Variants in MARCHF1 observed in about 807,000 individuals in gnomAD.
The protein encoded by MARCHF1 is membrane associated ring-CH-type finger 1, also known as E3 ubiquitin-protein ligase MARCHF1.
MARCHF1 carries 40 observed loss-of-function variants against 54.2 expected under a neutral mutation model. That is an observed-to-expected ratio of 0.74 (90% CI 0.57 to 0.96). The LOEUF (loss-of-function observed/expected upper bound fraction) is 0.96, where lower values mean the gene tolerates loss of function less well. MARCHF1 is among the 40% of genes least tolerant of loss of function. The pLI is 0.00. For missense variants in MARCHF1, 586 were observed against 656.5 expected (o/e 0.89, Z 1.17); for synonymous variants, 236 against 236.3 (o/e 1.00, Z 0.01).
At chr4:163,870,452 T>C (rs1750144946) in intron 3 of MARCHF1, among the ~76,000 whole-genome samples, 1 of 152,076 alleles carries the variant, frequency 6.6e-6, no homozygotes, top group Non-Finnish European at 1.5e-5. Context: ...TGGCATATTA[T>C]GAATTATGTT....
intron 3 of MARCHF1, among the ~76,000 whole-genome samples, chr4:163,939,286 C>T (rs1751861744): frequency 6.6e-6 from 1 of 152,130 alleles, no homozygotes; most frequent in Admixed American, 6.6e-5. Context: ...CATGTAGAGA[C>T]CTCATCTGTT....
chr4:164,166,910 T>A (rs1256796587), intron 1 of MARCHF1, among the ~76,000 whole-genome samples: 3 of 150,916 alleles, frequency 2.0e-5, no homozygotes, highest in African/African-American at 7.3e-5. Flanking sequence ...AAAAAAACAA[T>A]GAATAAATTT....
intron 4 of MARCHF1, among the ~76,000 whole-genome samples, chr4:163,769,455 A>G (rs1747088321): frequency 6.6e-6 from 1 of 152,210 alleles, no homozygotes; most frequent in African/African-American, 2.4e-5. Context: ...TTAACAAGAA[A>G]TCTATAAGGT....
At chr4:164,089,582 A>G (rs1468454816) in intron 2 of MARCHF1, among the ~76,000 whole-genome samples, 1 of 152,158 alleles carries the variant, frequency 6.6e-6, no homozygotes, top group Non-Finnish European at 1.5e-5. Flanking sequence ...CTCTTTGTTT[A>G]AAATAAACAA....
chr4:163,777,813 CA>C (rs1234671984), intron 4 of MARCHF1, among the ~76,000 whole-genome samples: 4 of 152,070 alleles, frequency 2.6e-5, no homozygotes, highest in Admixed American at 6.5e-5. Context: ...TTGGAACATA[CA>C]ATTTGATGAG....
intron 2 of MARCHF1, among the ~76,000 whole-genome samples, chr4:164,044,873 A>C (rs1488884697): frequency 6.6e-6 from 1 of 152,080 alleles, no homozygotes; most frequent in Admixed American, 6.5e-5. Flanking sequence ...CAGTTCTAAA[A>C]TAACTACCAT....
At chr4:163,817,256 T>C (rs1419832535) in intron 4 of MARCHF1, among the ~76,000 whole-genome samples, 1 of 152,122 alleles carries the variant, frequency 6.6e-6, no homozygotes, top group African/African-American at 2.4e-5. Context: ...TTTGCTGTCC[T>C]AGCCACACAG....
chr4:164,257,128 G>A (rs1352397737), intron 1 of MARCHF1, among the ~76,000 whole-genome samples: 3 of 151,904 alleles, frequency 2.0e-5, no homozygotes, highest in Non-Finnish European at 2.9e-5. Flanking sequence ...ATACAAAATT[G>A]GAAACATTAA....
At chr4:163,682,095 A>C (rs1451746572) in intron 5 of MARCHF1, among the ~76,000 whole-genome samples, 1 of 152,186 alleles carries the variant, frequency 6.6e-6, no homozygotes, top group Non-Finnish European at 1.5e-5. Context: ...GGAGATGAGG[A>C]ACTTGTTGGG....
intron 5 of MARCHF1, among the ~76,000 whole-genome samples, chr4:163,670,679 CCACT>C (rs1264106410): frequency 2.0e-5 from 3 of 151,820 alleles, no homozygotes; most frequent in Non-Finnish European, 4.4e-5. Context: ...TTCTTGCCAC[CCACT>C]GAGGATATGG....
chr4:164,323,584 A>G (rs191336978), intron 1 of MARCHF1, among the ~76,000 whole-genome samples: 4 of 121,124 alleles, frequency 3.3e-5, no homozygotes, highest in Admixed American at 2.1e-4. Flanking sequence ...CTGATTAAGG[A>G]GAGGATGAGT....
chr4:163,701,974 T>G (rs910037145), intron 4 of MARCHF1, among the ~76,000 whole-genome samples: 7 of 152,168 alleles, frequency 4.6e-5, no homozygotes, highest in African/African-American at 1.4e-4. Context: ...GATGACTACT[T>G]GAGACAGTTT....
chr4:163,670,698 A>G (rs1192998501), intron 5 of MARCHF1, among the ~76,000 whole-genome samples: 3 of 152,060 alleles, frequency 2.0e-5, no homozygotes, highest in African/African-American at 7.2e-5. Flanking sequence ...ATATGGAATC[A>G]TTTTCTAAAA....
chr4:163,733,081 G>A (rs1745893104), intron 4 of MARCHF1, among the ~76,000 whole-genome samples: 1 of 148,808 alleles, frequency 6.7e-6, no homozygotes, highest in African/African-American at 2.5e-5. Context: ...GAACCTGGGA[G>A]GCAGAGGTTG....
chr4:164,225,152 C>T (rs938806942), intron 1 of MARCHF1, among the ~76,000 whole-genome samples: 1 of 151,996 alleles, frequency 6.6e-6, no homozygotes, highest in African/African-American at 2.4e-5. Flanking sequence ...AATTGCCTTA[C>T]CCTGCACATA....
intron 4 of MARCHF1, among the ~76,000 whole-genome samples, chr4:163,803,068 T>C (rs1362376110): frequency 6.6e-6 from 1 of 152,158 alleles, no homozygotes; most frequent in Non-Finnish European, 1.5e-5. Flanking sequence ...AATACACTGG[T>C]TGGAATTTCT....
chr4:163,612,865 C>G lies in MARCHF1; in HGVS notation c.416G>C (p.Arg139Thr). 7 of 1,535,084 alleles carry G rather than the reference C, an allele frequency of 4.6e-6. No homozygotes were observed. The highest frequency in any genetic ancestry group is 6.1e-6 in the Non-Finnish European group (7 of 1,146,426). ...EHAAEEQIRG[R>T]KNDFHLQISS... ...GATTTGAAGGTGAAAGTCATTTTTT[C>G]TCCCTCTTATTTGTTCTTCTGCAGC... Residue 139 changes from arginine (R) to threonine (T), a missense_variant, in exon 7 of 10, where the codon AGA becomes ACA. Physicochemically the swap from Arg to Thr is moderately conservative, Grantham distance 71. Transcript: ENST00000514618.
chr4:163,642,669 A>T (rs1221589509), intron 5 of MARCHF1, among the ~76,000 whole-genome samples: 2 of 152,130 alleles, frequency 1.3e-5, no homozygotes, highest in Admixed American at 6.6e-5. Flanking sequence ...AACTTAGAGG[A>T]TATACTATTT....
intron 1 of MARCHF1, among the ~76,000 whole-genome samples, chr4:164,351,112 A>AC (rs1730307013): frequency 6.6e-6 from 1 of 152,226 alleles, no homozygotes; most frequent in Non-Finnish European, 1.5e-5. Flanking sequence ...GGAGGGTCCT[A>AC]CCCCACGGAA....
Sources: gnomAD v4.1 joint callset for allele counts (sites outside exome capture counted in the v4.1 genomes callset) on GRCh38, gnomAD v4.1.1 for gene constraint, MANE v1.5 for transcripts, NCBI Gene and HGNC (gene_info 2026-07-23, HGNC 2026-07-21) for gene names.